The following CDH13 variants were observed in gnomAD, a reference collection of about 807,000 sequenced individuals.
The protein encoded by CDH13 is cadherin-13.
A neutral mutation model predicts 63.8 loss-of-function variants in CDH13; 24 were observed. The ratio of observed to expected loss-of-function variants is 0.38; its 90% CI spans 0.27 to 0.53. CDH13 has a LOEUF of 0.53. CDH13 is among the 20% of genes least tolerant of loss of function. The probability of loss-of-function intolerance (pLI) is 0.85; values close to 1 mark genes in which losing one functional copy is unlikely to be tolerated. For missense variants in CDH13, 1,049 were observed against 903.1 expected (o/e 1.16, Z -2.07); for synonymous variants, 503 against 355.3 (o/e 1.42, Z -4.67).
chr16:83,242,344 G>C (rs1904544059), intron 5 of CDH13, among the ~76,000 whole-genome samples: 1 of 152,198 alleles, frequency 6.6e-6, no homozygotes, highest in Non-Finnish European at 1.5e-5. Flanking sequence ...ATGACTGAGA[G>C]ACACAGGTAC....
intron 7 of CDH13, among the ~76,000 whole-genome samples, chr16:83,508,943 A>C (rs2074489786): frequency 6.6e-6 from 1 of 151,232 alleles, no homozygotes; most frequent in Non-Finnish European, 1.5e-5. Flanking sequence ...GGGTACCTGG[A>C]GTTGAGAATT....
At chr16:83,037,371 C>A (rs1270062395) in intron 3 of CDH13, among the ~76,000 whole-genome samples, 1 of 152,174 alleles carries the variant, frequency 6.6e-6, no homozygotes, top group Non-Finnish European at 1.5e-5. Context: ...CTCCTTCCTG[C>A]CACTTTGCTG....
At chr16:83,593,418 A>G (rs1236965639) in intron 7 of CDH13, among the ~76,000 whole-genome samples, 3 of 152,106 alleles carry the variant, frequency 2.0e-5, no homozygotes, top group South Asian at 2.1e-4. Flanking sequence ...GTTTCCAACT[A>G]AGTGCTTTTG....
chr16:83,572,584 G>GC (rs1454879893), intron 7 of CDH13, among the ~76,000 whole-genome samples: 1 of 152,092 alleles, frequency 6.6e-6, no homozygotes, highest in African/African-American at 2.4e-5. Flanking sequence ...GCAACATATG[G>GC]CCCCAAAATA....
chr16:83,271,428 A>T lies in CDH13; in HGVS notation c.636+53931A>T, dbSNP rs1041642583. 8.7e-4 allele frequency among the ~76,000 whole-genome samples: 106 copies of T among 122,532 alleles called. 4 individuals carry two copies. Among genetic ancestry groups the T allele is most frequent in the African/African-American group, 2.8e-3 (87 of 30,900 alleles). 80.4% of individuals were successfully genotyped at this position (122,532 alleles called of 152,430 possible). Reference sequence around the variant, plus strand: ...CACATTGAGGCAGAGTTCATAAAAAAAAAAAAAAAAAAAAAAAAAAAAAAT... The same window carrying T: ...CACATTGAGGCAGAGTTCATAAAAATAAAAAAAAAAAAAAAAAAAAAAAAT... On this transcript the variant is annotated intron_variant, in intron 5 of 13. Coordinates refer to ENST00000567109, the MANE Select transcript of CDH13 (RefSeq NM_001257.5).
chr16:83,273,219 G>A (rs1238677982), intron 5 of CDH13, among the ~76,000 whole-genome samples: 1 of 151,998 alleles, frequency 6.6e-6, no homozygotes, highest in Admixed American at 6.6e-5. Flanking sequence ...TACATGTGCA[G>A]GTTTGTTACG....
chr16:83,372,762 A>C (rs900363620), intron 6 of CDH13, among the ~76,000 whole-genome samples: 23 of 151,482 alleles, frequency 1.5e-4, no homozygotes, highest in African/African-American at 5.6e-4. Flanking sequence ...AAAAAAAAAA[A>C]AAAAAAAAAA....
intron 5 of CDH13, among the ~76,000 whole-genome samples, chr16:83,324,683 A>G (rs6563897): frequency 0.58 from 87,751 of 152,088 alleles, 25,433 homozygotes; most frequent in Middle Eastern, 0.66. Flanking sequence ...CCTTTTGACT[A>G]TTATGAATAA....
intron 2 of CDH13, among the ~76,000 whole-genome samples, chr16:82,885,504 C>T (rs1415454175): frequency 6.7e-5 from 10 of 149,312 alleles, no homozygotes; most frequent in South Asian, 6.6e-4. Context: ...TCCATCCACC[C>T]ATCCATCTAT....
chr16:82,883,388 C>T (rs1439948257), intron 2 of CDH13, among the ~76,000 whole-genome samples: 1 of 152,208 alleles, frequency 6.6e-6, no homozygotes, highest in East Asian at 1.9e-4. Context: ...GAGTGTCTAT[C>T]AGAGTCACCT....
intron 4 of CDH13, among the ~76,000 whole-genome samples, chr16:83,161,231 A>G (rs539411568): frequency 1.3e-5 from 2 of 152,354 alleles, no homozygotes; most frequent in African/African-American, 2.4e-5. Context: ...TAATATCTCA[A>G]TAAAGTGCTG....
chr16:82,651,962 C>G (rs1567591526), intron 1 of CDH13, among the ~76,000 whole-genome samples: 1 of 152,184 alleles, frequency 6.6e-6, no homozygotes, highest in Non-Finnish European at 1.5e-5. Flanking sequence ...AGGGCCAGCG[C>G]CATCCAATCA....
intron 2 of CDH13, among the ~76,000 whole-genome samples, chr16:82,882,268 G>A (rs914797942): frequency 1.3e-5 from 2 of 152,148 alleles, no homozygotes; most frequent in African/African-American, 4.8e-5. Flanking sequence ...ACTAGGCAGG[G>A]TTCCTTCCAG....
chr16:83,248,116 G>T (rs760283911), intron 5 of CDH13, among the ~76,000 whole-genome samples: 19 of 152,100 alleles, frequency 1.2e-4, no homozygotes, highest in Non-Finnish European at 2.6e-4. Context: ...AGAGACAGGG[G>T]ATGTGAACAC....
intron 11 of CDH13, among the ~76,000 whole-genome samples, chr16:83,760,919 C>A (rs1236363742): frequency 2.0e-5 from 3 of 152,106 alleles, no homozygotes; most frequent in Non-Finnish European, 4.4e-5. Flanking sequence ...GCTGATGGGC[C>A]AATTTTGCCA....
chr16:82,823,825 G>T (rs1328782790), intron 1 of CDH13: 1 of 152,156 alleles, frequency 6.6e-6, no homozygotes, highest in African/African-American at 2.4e-5. Flanking sequence ...TAAAATGCTA[G>T]AGAATTGGAA....
intron 1 of CDH13, among the ~76,000 whole-genome samples, chr16:82,656,276 A>G (rs1793575541): frequency 6.6e-6 from 1 of 151,690 alleles, no homozygotes; most frequent in African/African-American, 2.4e-5. Context: ...CTGGAGAAAG[A>G]GGCTGGAGTG....
chr16:82,857,419 T>C (rs1426834496), intron 1 of CDH13, among the ~76,000 whole-genome samples: 1 of 152,100 alleles, frequency 6.6e-6, no homozygotes, highest in Admixed American at 6.6e-5. Flanking sequence ...CAGTGGTTGG[T>C]TGTTGGGGGG....
At chr16:83,493,173 C>T (rs529174700) in intron 7 of CDH13, among the ~76,000 whole-genome samples, 1 of 152,350 alleles carries the variant, frequency 6.6e-6, no homozygotes. Flanking sequence ...TGATACTTAT[C>T]TATAAGCACT....
Sources: allele counts gnomAD v4.1 joint callset (sites outside exome capture counted in the v4.1 genomes callset), GRCh38; gene constraint gnomAD v4.1.1; transcripts MANE v1.5; gene names NCBI Gene and HGNC (gene_info 2026-07-23, HGNC 2026-07-21).